DOHH: variants seen among roughly 807,000 people sequenced by gnomAD.
The protein encoded by DOHH is deoxyhypusine hydroxylase.
Under a neutral mutation model 19.9 loss-of-function variants are expected in DOHH, and 16 were observed. The observed-to-expected ratio is 0.80, with a 90% CI of 0.54 to 1.22. The LOEUF is 1.22. Ranked by LOEUF, DOHH falls within the 50% of genes most tolerant of loss-of-function variation. The pLI is 0.00. For synonymous variants in DOHH, 233 were observed against 217.0 expected, an observed-to-expected ratio of 1.07 and a Z score of -0.65; for missense variants, 460 against 460.6, an observed-to-expected ratio of 1.00 and a Z score of 0.01.
At position 3,496,600 on chromosome 19, in the gene DOHH, G is replaced by C. The variant is rs1409439716; in HGVS notation, c.215C>G (p.Pro72Arg). ...LGQMQDARAI[P>R]MLVDVLQDTR... is the part of the protein sequence containing the mutation. ...GTCTTGCAGCACGTCCACCAGCATG[G>C]GGATGGCGCGGGCATCCTGCATCTG... is the stretch of plus-strand genomic sequence containing the variant. Residue 72 changes from proline (P) to arginine (R), a missense_variant, in exon 2 of 5, where the codon CCC becomes CGC. Transcript: ENST00000427575. This position sits in a 1 kb window ranked among gnomAD's most constrained non-coding sequence, Gnocchi z 4.8. 1 of 1,613,972 alleles carries C rather than the reference G, an allele frequency of 6.2e-7. No homozygotes were observed. The highest frequency in any genetic ancestry group is 8.5e-7 in the Non-Finnish European group (1 of 1,180,030).
chr19:3,498,990 C>T (rs2082929836), intron 1 of DOHH, among the ~76,000 whole-genome samples: 2 of 151,848 alleles, frequency 1.3e-5, no homozygotes, highest in Non-Finnish European at 2.9e-5. Flanking sequence ...TGCTCAGTTA[C>T]ATGTAGATGG....
chr19:3,492,446 G>GTGC lies in DOHH; in HGVS notation c.402_404dup (p.Gln134dup). 3.4e-6 allele frequency: 5 copies of GTGC among 1,476,798 alleles called. No homozygotes were observed. Among genetic ancestry groups the GTGC allele is most frequent in the Non-Finnish European group, 4.5e-6 (5 of 1,120,172 alleles). 91.5% of individuals were successfully genotyped at this position (1,476,798 alleles called of 1,614,324 possible). A position where few individuals can be genotyped will look rare whatever the true frequency, so the allele number is the denominator to read the frequency against. ...AGGGTCCCGCCGCCGGCTCCCCGCC[G>GTGC]TGCTGCTGCAGCCACTCCAGCCTGC... On this transcript the variant is annotated inframe_insertion, in exon 4 of 5. Transcript: ENST00000427575.
At position 3,492,263 on chromosome 19, in the gene DOHH, C is replaced by G. The variant is rs764571059; in HGVS notation, c.588G>C (p.Glu196Asp). 21 of 1,463,064 alleles carry G rather than the reference C, an allele frequency of 1.4e-5. No homozygotes were observed. The East Asian group carries it at 5.3e-4, about 37-fold the overall frequency. The allele number at this position is 1,463,064 out of a possible 1,614,324, so 90.6% of individuals were successfully genotyped here. Residue 196 changes from glutamate to aspartate, a missense_variant and splice_region_variant, in exon 4 of 5, where the codon GAG becomes GAC. Glu to Asp is a conservative substitution (Grantham distance 45, BLOSUM62 2). Coordinates refer to ENST00000427575, the MANE Select transcript of DOHH (RefSeq NM_001145165.2). ...CCCACCCCAGAAGCCCCTCCTCACC[C>G]TCGGCCAGCGCCAGGGCGGCCTCCT... The part of the protein sequence containing the change: ...GGEEAALALA[E>D]GLHCGSALFR...
chr19:3,497,508 G>GC (rs1269096183), intron 1 of DOHH, among the ~76,000 whole-genome samples: 1 of 152,196 alleles, frequency 6.6e-6, no homozygotes, highest in Non-Finnish European at 1.5e-5. Flanking sequence ...AGATGATGCA[G>GC]CCCCAGAGCG....
rs1266448795 is a variant in DOHH, at chr19:3,492,296, C to A, written c.555G>T (p.Ala185=). 1.3e-6 allele frequency: 2 copies of A among 1,511,974 alleles called. No individual in the cohort carries two copies. The highest frequency in any genetic ancestry group is 1.4e-5 in the African/African-American group (1 of 70,198). The allele number at this position is 1,511,974 out of a possible 1,614,324, so 93.7% of individuals were successfully genotyped here. ...RYRAMFALRN[A]GGEEAALALA... ...GCGCCAGGGCGGCCTCCTCGCCTCC[C>A]GCGTTGCGCAGGGCGAACATGGCGC... is the stretch of plus-strand genomic sequence containing the variant. Residue 185 remains alanine (A), a synonymous_variant, in exon 4 of 5, where the codon GCG becomes GCT. Coordinates refer to ENST00000427575, the MANE Select transcript of DOHH (RefSeq NM_001145165.2).
In DOHH at chr19:3,492,278, G is replaced by A. The variant is rs1220936709; in HGVS notation, c.573C>T (p.Ala191=). Residue 191 remains alanine (A), a synonymous_variant, in exon 4 of 5, where the codon GCC becomes GCT. Transcript: ENST00000427575. ...CCTCCTCACCCTCGGCCAGCGCCAG[G>A]GCGGCCTCCTCGCCTCCCGCGTTGC... ...ALRNAGGEEA[A]LALAEGLHCG... is the part of the protein sequence containing the mutation. The A allele has an allele frequency of 5.4e-6, 8 of 1,493,598 alleles. No homozygotes were observed. The highest frequency in any genetic ancestry group is 5.3e-6 in the Non-Finnish European group (6 of 1,131,104). 92.5% of individuals were successfully genotyped at this position (1,493,598 alleles called of 1,614,324 possible). A position where few individuals can be genotyped will look rare whatever the true frequency, so the allele number is the denominator to read the frequency against.
Position 3,492,468 on chromosome 19 carries a change from C to T in DOHH, c.383G>A (p.Arg128Lys), listed in dbSNP as rs1212700966. 4 of 1,421,060 alleles carry T rather than the reference C, an allele frequency of 2.8e-6. No homozygotes were observed. The highest frequency in any genetic ancestry group is 2.3e-4 in the Middle Eastern group (1 of 4,330). 88.0% of individuals were successfully genotyped at this position (1,421,060 alleles called of 1,614,324 possible). ...GCCGTGCTGCTGCAGCCACTCCAGCCTGCGCACGGCCAGCTGGCAGGTCTC... is the reference window on the plus strand; with the variant it reads ...GCCGTGCTGCTGCAGCCACTCCAGCTTGCGCACGGCCAGCTGGCAGGTCTC... ...VAETCQLAVR[R>K]LEWLQQHGGE... Residue 128 changes from arginine to lysine, a missense_variant, in exon 4 of 5, where the codon AGG becomes AAG. Coordinates refer to ENST00000427575, the MANE Select transcript of DOHH (RefSeq NM_001145165.2).
chr19:3,496,562 G>A lies in DOHH; in HGVS notation c.253C>T (p.Pro85Ser). 1.9e-6 allele frequency: 3 copies of A among 1,612,656 alleles called. No homozygotes were observed. Among genetic ancestry groups the A allele is most frequent in the Non-Finnish European group, 2.5e-6 (3 of 1,179,420 alleles). Reference sequence around the variant, plus strand: ...TCACCTGCCTCATGGCGCACCATGGGCTCCTGACGGGTGTCTTGCAGCACG... The same window carrying A: ...TCACCTGCCTCATGGCGCACCATGGACTCCTGACGGGTGTCTTGCAGCACG... ...VDVLQDTRQEPMVRHEAGEAL... is the reference protein window; with the variant it reads ...VDVLQDTRQESMVRHEAGEAL... Residue 85 changes from proline (P) to serine (S), a missense_variant, in exon 2 of 5, where the codon CCC becomes TCC. By Grantham distance (74) the Pro-to-Ser change is moderately conservative. Transcript: ENST00000427575. This position sits in a 1 kb window ranked among gnomAD's most constrained non-coding sequence, Gnocchi z 4.8.
chr19:3,492,370 G>A lies in DOHH; in HGVS notation c.481C>T (p.Leu161=), dbSNP rs554577564. The A allele has an allele frequency of 6.5e-7, 1 of 1,540,274 alleles. No individual in the cohort carries two copies. Among genetic ancestry groups the A allele is most frequent in the Admixed American group, 1.9e-5 (1 of 51,958 alleles). Residue 161 remains leucine, a synonymous_variant, in exon 4 of 5, where the codon CTG becomes TTG. Transcript: ENST00000427575. ...GACTCATCCAGCAGCGCCTCCCGCA[G>A]GCGCCCCACGTCACGCTCCTCAGCC... The part of the protein sequence containing the change: ...PPAEERDVGR[L]REALLDESRP...
intron 3 of DOHH, among the ~76,000 whole-genome samples, chr19:3,493,263 G>A (rs2082884148): frequency 6.6e-6 from 1 of 152,232 alleles, no homozygotes; most frequent in Non-Finnish European, 1.5e-5. Context: ...ACCAGCCTGG[G>A]CGACAGAGCG....
In DOHH at chr19:3,496,929, C is replaced by T. The variant is rs747886253; in HGVS notation, c.-72-43G>A. Reference sequence around the variant, plus strand: ...GAGCCCAGGTTAGAAGCCCCCTTCACCAGTGCGTTGTCTGTTCCTAGGACC... The same window carrying T: ...GAGCCCAGGTTAGAAGCCCCCTTCATCAGTGCGTTGTCTGTTCCTAGGACC... On this transcript the variant is annotated intron_variant, in intron 1 of 4. Transcript: ENST00000427575. The surrounding 1 kb of genome is among the most constrained non-coding windows in gnomAD (Gnocchi z 4.8). The T allele has an allele frequency of 8.7e-5, 114 of 1,303,380 alleles. 1 individual carries two copies. Among genetic ancestry groups the T allele is most frequent in the Admixed American group, 3.2e-5 (1 of 31,296 alleles). 80.7% of individuals were successfully genotyped at this position (1,303,380 alleles called of 1,614,324 possible).
chr19:3,492,605 G>T (rs1247362647), intron 3 of DOHH, 106 bp from the exon 4 acceptor site: 28 of 913,758 alleles, frequency 3.1e-5, no homozygotes, highest in Non-Finnish European at 4.2e-5. Context: ...CACTGGCAGG[G>T]TGACTAACCC....
chr19:3,493,945 C>G lies in DOHH; in HGVS notation c.351+83G>C, dbSNP rs1041917295. 145 of 1,368,380 alleles carry G rather than the reference C, an allele frequency of 1.1e-4. 1 individual carries two copies. The African/African-American group carries it at 1.7e-3, about 16-fold the overall frequency. 84.8% of individuals were successfully genotyped at this position (1,368,380 alleles called of 1,614,324 possible). On this transcript the variant is annotated intron_variant, in intron 3 of 4. Transcript: ENST00000427575. The stretch of plus-strand genomic sequence containing the variant: ...CAGAGATGGGGAGGGTCTGAGGCTG[C>G]TCCAGGTCAGGGCTGGGGCAGGGCT...
At chr19:3,498,496 C>A (rs374999779) in intron 1 of DOHH, among the ~76,000 whole-genome samples, 18 of 152,040 alleles carry the variant, frequency 1.2e-4, no homozygotes, top group African/African-American at 3.6e-4. Flanking sequence ...ACCTATGCTT[C>A]CAGGGTTCAA....
chr19:3,494,845 T>G (rs1221928185), intron 2 of DOHH, among the ~76,000 whole-genome samples: 1 of 152,212 alleles, frequency 6.6e-6, no homozygotes, highest in Non-Finnish European at 1.5e-5. Context: ...ACAGGCTCTG[T>G]GTCAGGCACC....
chr19:3,492,206 A>G (rs774513155), intron 4 of DOHH, 56 bp downstream of exon 4: 1 of 1,382,054 alleles, frequency 7.2e-7, no homozygotes, highest in South Asian at 1.6e-5. Flanking sequence ...AGATGCCATC[A>G]CTGAACCTCA....
In DOHH at chr19:3,496,499, G is replaced by A. The variant is rs764617235; in HGVS notation, c.274+42C>T. 1.9e-6 allele frequency: 3 copies of A among 1,585,832 alleles called. No homozygotes were observed. Among genetic ancestry groups the A allele is most frequent in the South Asian group, 1.1e-5 (1 of 89,308 alleles). On this transcript the variant is annotated intron_variant, in intron 2 of 4. Coordinates refer to ENST00000427575, the MANE Select transcript of DOHH (RefSeq NM_001145165.2). This position sits in a 1 kb window ranked among gnomAD's most constrained non-coding sequence, Gnocchi z 4.8. The stretch of plus-strand genomic sequence containing the variant: ...GACACGTGGGGTCATGAAGAAGTGA[G>A]GCAGGAGGGAGCAGGTGCCCGGGAC...
At chr19:3,500,054 T>C (rs2082937771) in intron 1 of DOHH, among the ~76,000 whole-genome samples, 3 of 152,224 alleles carry the variant, frequency 2.0e-5, no homozygotes, top group South Asian at 2.1e-4. Flanking sequence ...CAACGCTTTG[T>C]TGAATGACTT....
chr19:3,497,414 G>C (rs1009710583), intron 1 of DOHH, among the ~76,000 whole-genome samples: 1 of 152,130 alleles, frequency 6.6e-6, no homozygotes, highest in Admixed American at 6.5e-5. Flanking sequence ...AGGGGCCCAC[G>C]TGGCAAAAAA....
Sources: gnomAD v4.1 joint callset for allele counts (sites outside exome capture counted in the v4.1 genomes callset) on GRCh38, gnomAD v4.1.1 for gene constraint, Gnocchi (gnomAD v3.1) non-coding constraint, MANE v1.5 for transcripts, NCBI Gene and HGNC (gene_info 2026-07-23, HGNC 2026-07-21) for gene names.